Variants in RARB observed in about 807,000 individuals in gnomAD.
RARB encodes HBV-activated protein.
RARB carries 17 observed loss-of-function variants against 51.9 expected under a neutral mutation model. The ratio of observed to expected loss-of-function variants is 0.33; its 90% confidence interval spans 0.22 to 0.49. RARB has a LOEUF of 0.49. Among genes scored for constraint, RARB ranks in the 20% least tolerant of loss-of-function variants. The probability of loss-of-function intolerance (pLI) is 0.99; values close to 1 mark genes in which losing one functional copy is unlikely to be tolerated. For synonymous variants in RARB, 215 were observed against 195.4 expected (o/e 1.10, Z -0.84); for missense variants, 369 against 550.8 (o/e 0.67, Z 3.30).
intron 5 of RARB, among the ~76,000 whole-genome samples, chr3:25,407,031 C>T (rs908419426): frequency 6.6e-6 from 1 of 152,196 alleles, no homozygotes; most frequent in African/African-American, 2.4e-5. Flanking sequence ...TCTTTCACAA[C>T]TGTCATTTTT....
intron 5 of RARB, among the ~76,000 whole-genome samples, chr3:25,382,054 G>A (rs1406145439): frequency 6.6e-6 from 1 of 152,160 alleles, no homozygotes; most frequent in Non-Finnish European, 1.5e-5. Context: ...TATTCTAACT[G>A]AGGAACATTA....
chr3:25,595,244 G>T (rs1701772424), intron 7 of RARB, among the ~76,000 whole-genome samples: 1 of 152,178 alleles, frequency 6.6e-6, no homozygotes, highest in Non-Finnish European at 1.5e-5. Flanking sequence ...TAACAGTAAG[G>T]TTTTTCTATG....
At chr3:25,490,693 T>C (rs914011718) in intron 2 of RARB, among the ~76,000 whole-genome samples, 2 of 150,796 alleles carry the variant, frequency 1.3e-5, no homozygotes, top group Non-Finnish European at 3.0e-5. Context: ...GCAGCTATTT[T>C]GTTGCATTTT....
intron 5 of RARB, among the ~76,000 whole-genome samples, chr3:25,279,863 G>T (rs957599927): frequency 1.3e-5 from 2 of 152,058 alleles, no homozygotes; most frequent in Non-Finnish European, 2.9e-5. Flanking sequence ...TGGTACTTTA[G>T]GAAAGAGAGG....
intron 2 of RARB, among the ~76,000 whole-genome samples, chr3:24,979,189 G>A (rs1337659589): frequency 6.6e-6 from 1 of 152,154 alleles, no homozygotes; most frequent in African/African-American, 2.4e-5. Flanking sequence ...GTCAATTTTA[G>A]AATAAGTGCG....
chr3:25,547,789 T>A (rs1225389303), intron 3 of RARB, among the ~76,000 whole-genome samples: 1 of 152,156 alleles, frequency 6.6e-6, no homozygotes, highest in East Asian at 1.9e-4. Flanking sequence ...GAAAGGAGGA[T>A]AGACGGTGGG....
chr3:25,104,739 A>G (rs1699466265), intron 3 of RARB, among the ~76,000 whole-genome samples: 1 of 152,264 alleles, frequency 6.6e-6, no homozygotes, highest in African/African-American at 2.4e-5. Context: ...ATGATAAATT[A>G]GGATATACCC....
chr3:25,512,544 A>G (rs1697947232), intron 3 of RARB, among the ~76,000 whole-genome samples: 1 of 152,222 alleles, frequency 6.6e-6, no homozygotes, highest in African/African-American at 2.4e-5. Flanking sequence ...AATGTGCCAC[A>G]CACTAGCCAT....
chr3:25,375,454 A>G (rs1244169688), intron 5 of RARB, among the ~76,000 whole-genome samples: 2 of 152,214 alleles, frequency 1.3e-5, no homozygotes, highest in African/African-American at 4.8e-5. Flanking sequence ...GAGCTTTGCA[A>G]TAATATGGTG....
intron 5 of RARB, among the ~76,000 whole-genome samples, chr3:25,208,864 A>C (rs73042334): frequency 1.3e-5 from 2 of 152,162 alleles, no homozygotes; most frequent in East Asian, 3.9e-4. Flanking sequence ...GCGCCTGCCT[A>C]CTTCATTATC....
At chr3:25,506,118 T>G (rs1409940016) in intron 3 of RARB, among the ~76,000 whole-genome samples, 1 of 152,050 alleles carries the variant, frequency 6.6e-6, no homozygotes, top group Non-Finnish European at 1.5e-5. Flanking sequence ...TCAGGCATGG[T>G]AGCGCGCTCC....
intron 5 of RARB, among the ~76,000 whole-genome samples, chr3:25,272,506 T>C (rs1273805090): frequency 6.6e-6 from 1 of 152,250 alleles, no homozygotes; most frequent in Non-Finnish European, 1.5e-5. Flanking sequence ...GATCCGTTCC[T>C]ACATCACTCA....
intron 3 of RARB, among the ~76,000 whole-genome samples, chr3:25,546,410 G>A (rs938186475): frequency 2.0e-5 from 3 of 152,150 alleles, no homozygotes; most frequent in Admixed American, 6.5e-5. Flanking sequence ...AAGCTAACCC[G>A]ATGAGAGGTG....
At chr3:25,503,984 A>G (rs766810009) in intron 3 of RARB, among the ~76,000 whole-genome samples, 1 of 152,112 alleles carries the variant, frequency 6.6e-6, no homozygotes, top group African/African-American at 2.4e-5. Flanking sequence ...GAAATCGGCC[A>G]CCTCTCCTCC....
intron 2 of RARB, among the ~76,000 whole-genome samples, chr3:24,907,043 A>G (rs1694882959): frequency 1.3e-5 from 2 of 152,080 alleles, no homozygotes; most frequent in Non-Finnish European, 2.9e-5. Flanking sequence ...AGTTGGGGAT[A>G]TAGACTTGGA....
chr3:25,229,222 G>T (rs1368352649), intron 5 of RARB, among the ~76,000 whole-genome samples: 1 of 151,874 alleles, frequency 6.6e-6, no homozygotes, highest in Non-Finnish European at 1.5e-5. Context: ...AGTTGTCATT[G>T]TTTCTTAGTT....
At chr3:25,233,361 AT>A (rs1036247890) in intron 5 of RARB, among the ~76,000 whole-genome samples, 3 of 151,590 alleles carry the variant, frequency 2.0e-5, no homozygotes, top group African/African-American at 2.4e-5. Context: ...AAAACAAGTG[AT>A]TTTTTTTTAT....
chr3:25,239,305 A>C (rs1245805033), intron 5 of RARB, among the ~76,000 whole-genome samples: 1 of 152,108 alleles, frequency 6.6e-6, no homozygotes, highest in East Asian at 1.9e-4. Context: ...TCTTGGTTTA[A>C]TATAGTACCG....
rs114961067 is a variant in RARB, at chr3:25,016,151, A to G, written c.-379-43974A>G. 2.9e-3 allele frequency among the ~76,000 whole-genome samples: 435 copies of G among 152,318 alleles called. 3 individuals carry two copies. The highest frequency in any genetic ancestry group is 0.01 in the African/African-American group (421 of 41,594). ...AGTTACCTGCCTGTCGCTTGTAACAATTTTTGGAAGTGCTAGTATTATTGT... is the reference window on the plus strand; with the variant it reads ...AGTTACCTGCCTGTCGCTTGTAACAGTTTTTGGAAGTGCTAGTATTATTGT... On this transcript the variant is annotated intron_variant, in intron 2 of 11. Transcript: ENST00000383772.
Sources: gnomAD v4.1 joint callset for allele counts (sites outside exome capture counted in the v4.1 genomes callset) on GRCh38, gnomAD v4.1.1 for gene constraint, MANE v1.5 for transcripts, NCBI Gene and HGNC (gene_info 2026-07-23, HGNC 2026-07-21) for gene names.